FSTL5: variants seen among roughly 807,000 people sequenced by gnomAD.
The protein encoded by FSTL5 is follistatin like 5.
Under a neutral mutation model 89.1 loss-of-function variants are expected in FSTL5, and 62 were observed. The ratio of observed to expected loss-of-function variants is 0.70; its 90% confidence interval spans 0.57 to 0.86. The LOEUF (loss-of-function observed/expected upper bound fraction) is 0.86. Among genes scored for constraint, FSTL5 ranks in the 40% least tolerant of loss-of-function variants. The probability of loss-of-function intolerance (pLI) is 0.00; values close to 1 mark genes in which losing one functional copy is unlikely to be tolerated. For synonymous variants in FSTL5, 383 were observed against 346.2 expected, an observed-to-expected ratio of 1.11 and a Z score of -1.18; for missense variants, 1,057 against 1,001.6, an observed-to-expected ratio of 1.06 and a Z score of -0.75.
intron 1 of FSTL5, among the ~76,000 whole-genome samples, chr4:162,132,576 A>G (rs919886072): frequency 1.3e-5 from 2 of 152,102 alleles, no homozygotes; most frequent in African/African-American, 2.4e-5. Flanking sequence ...AGAACCCACC[A>G]ATTCCGGACA....
At chr4:161,933,848 A>C (rs970166556) in intron 3 of FSTL5, among the ~76,000 whole-genome samples, 4 of 151,678 alleles carry the variant, frequency 2.6e-5, no homozygotes, top group Admixed American at 2.0e-4. Context: ...TTTTTAAATT[A>C]TTATTTACCA....
chr4:161,410,382 A>G (rs1362854678), intron 15 of FSTL5, among the ~76,000 whole-genome samples: 1 of 152,214 alleles, frequency 6.6e-6, no homozygotes, highest in Non-Finnish European at 1.5e-5. Context: ...GGACCTTGTC[A>G]ACATCTACAG....
intron 7 of FSTL5, among the ~76,000 whole-genome samples, chr4:161,603,402 G>C (rs1734321389): frequency 6.6e-6 from 1 of 152,158 alleles, no homozygotes; most frequent in Non-Finnish European, 1.5e-5. Flanking sequence ...ACAAGAGGAA[G>C]AGTTCTCTCT....
chr4:162,093,459 T>C (rs1171762845), intron 2 of FSTL5, among the ~76,000 whole-genome samples: 1 of 152,126 alleles, frequency 6.6e-6, no homozygotes, highest in Non-Finnish European at 1.5e-5. Context: ...AAAATATCAT[T>C]TTACCAATTA....
chr4:161,951,083 G>A (rs1449614938), intron 3 of FSTL5, among the ~76,000 whole-genome samples: 1 of 152,024 alleles, frequency 6.6e-6, no homozygotes, highest in Non-Finnish European at 1.5e-5. Context: ...TAAGTCTCAT[G>A]ACATCTGATG....
At chr4:161,391,450 T>C (rs1730819967) in intron 15 of FSTL5, among the ~76,000 whole-genome samples, 1 of 152,196 alleles carries the variant, frequency 6.6e-6, no homozygotes, top group African/African-American at 2.4e-5. Flanking sequence ...CAAAATACGC[T>C]GTTTCAATGA....
intron 3 of FSTL5, among the ~76,000 whole-genome samples, chr4:161,950,131 T>C (rs1734850650): frequency 6.6e-6 from 1 of 152,158 alleles, no homozygotes. Flanking sequence ...GCTGGACTAC[T>C]GATTCAGTTA....
chr4:161,417,400 T>C (rs906933723), intron 15 of FSTL5, among the ~76,000 whole-genome samples: 1 of 152,246 alleles, frequency 6.6e-6, no homozygotes, highest in African/African-American at 2.4e-5. Context: ...TCATTCTAAT[T>C]TGCAGTAATG....
intron 6 of FSTL5, among the ~76,000 whole-genome samples, chr4:161,705,290 C>A (rs1481550003): frequency 6.6e-6 from 1 of 151,918 alleles, no homozygotes; most frequent in Non-Finnish European, 1.5e-5. Flanking sequence ...ATGGACTAAA[C>A]CTGTTATGAC....
At chr4:161,476,914 C>A (rs1734171947) in intron 13 of FSTL5, among the ~76,000 whole-genome samples, 1 of 152,160 alleles carries the variant, frequency 6.6e-6, no homozygotes, top group African/African-American at 2.4e-5. Flanking sequence ...TTTGCTTACC[C>A]TGGCTCCTGC....
At chr4:162,161,287 T>C (rs1733686118) in intron 1 of FSTL5, among the ~76,000 whole-genome samples, 1 of 151,978 alleles carries the variant, frequency 6.6e-6, no homozygotes, top group Non-Finnish European at 1.5e-5. Context: ...CCACCACATT[T>C]GAATATCTTT....
chr4:161,475,230 T>C (rs1734095741), intron 13 of FSTL5, among the ~76,000 whole-genome samples: 1 of 152,188 alleles, frequency 6.6e-6, no homozygotes, highest in Non-Finnish European at 1.5e-5. Context: ...TTGATGTTGG[T>C]CACTTTTGTT....
At chr4:161,417,516 A>G (rs1294741626) in intron 15 of FSTL5, among the ~76,000 whole-genome samples, 2 of 152,190 alleles carry the variant, frequency 1.3e-5, no homozygotes, top group African/African-American at 4.8e-5. Flanking sequence ...CTGTTTAAAA[A>G]CCAGCCTAGA....
intron 4 of FSTL5, among the ~76,000 whole-genome samples, chr4:161,902,472 T>C (rs145342615): frequency 3.5e-4 from 53 of 152,340 alleles, no homozygotes; most frequent in African/African-American, 1.2e-3. Flanking sequence ...AATCAGTGAT[T>C]CTACTTTTTA....
At chr4:161,425,021 T>C (rs1732124448) in intron 15 of FSTL5, among the ~76,000 whole-genome samples, 1 of 152,190 alleles carries the variant, frequency 6.6e-6, no homozygotes, top group Non-Finnish European at 1.5e-5. Context: ...AGCTCTTCAT[T>C]ACATTTTGTT....
chr4:161,977,660 T>TA (rs1735702166), intron 3 of FSTL5, among the ~76,000 whole-genome samples: 1 of 134,552 alleles, frequency 7.4e-6, no homozygotes, highest in African/African-American at 3.0e-5. Flanking sequence ...ATAATAATAA[T>TA]AATAATAAAT....
intron 6 of FSTL5, among the ~76,000 whole-genome samples, chr4:161,664,125 G>T (rs1364686212): frequency 6.6e-6 from 1 of 152,218 alleles, no homozygotes; most frequent in African/African-American, 2.4e-5. Context: ...GATGGGACGG[G>T]CTGCGGTGAA....
At chr4:161,921,046 C>G (rs1733981185) in intron 3 of FSTL5, among the ~76,000 whole-genome samples, 1 of 152,136 alleles carries the variant, frequency 6.6e-6, no homozygotes, top group Non-Finnish European at 1.5e-5. Context: ...TATGGACCAT[C>G]TCTACAGTTG....
chr4:162,077,816 C>G (rs1729928972), intron 2 of FSTL5, among the ~76,000 whole-genome samples: 1 of 151,634 alleles, frequency 6.6e-6, no homozygotes, highest in Admixed American at 6.6e-5. Flanking sequence ...CAACAGTGTC[C>G]TAAATTAATT....
Sources: gnomAD v4.1 joint callset for allele counts (sites outside exome capture counted in the v4.1 genomes callset) on GRCh38, gnomAD v4.1.1 for gene constraint, MANE v1.5 for transcripts, NCBI Gene and HGNC (gene_info 2026-07-23, HGNC 2026-07-21) for gene names.